Variants in ZNF462 observed in about 807,000 individuals in gnomAD.
The protein encoded by ZNF462 is zinc finger protein 462, also known as zinc finger PBX1-interacting protein.
A neutral mutation model predicts 201.9 loss-of-function variants in ZNF462; 10 were observed. That is an observed-to-expected ratio of 0.05 (90% CI 0.03 to 0.08). ZNF462 has a LOEUF of 0.08. Among genes scored for constraint, ZNF462 ranks in the 10% least tolerant of loss-of-function variants. ZNF462 has a pLI of 1.00. For synonymous variants in ZNF462, 1,227 were observed against 1,193.3 expected (o/e 1.03, Z -0.58); for missense variants, 2,523 against 3,168.3 (o/e 0.80, Z 4.89).
In ZNF462 at chr9:106,978,156, T is replaced by A. The variant is rs1827155866; in HGVS notation, c.6832+3883T>A. Among the ~76,000 whole-genome samples, 3 of 151,534 alleles carry A rather than the reference T, an allele frequency of 2.0e-5. No homozygotes were observed. In the South Asian group the frequency reaches 6.2e-4, roughly 31 times the overall value. ...CTAATCTAGTCTGGCCTTAACTGAT[T>A]GCCATCTGCAAAGAACCTATGTCCC... On this transcript the variant is annotated intron_variant, in intron 9 of 12. Transcript: ENST00000277225. The surrounding 1 kb of genome is among the most constrained non-coding windows in gnomAD (Gnocchi z 4.1).
intron 10 of ZNF462, among the ~76,000 whole-genome samples, chr9:106,997,780 A>G (rs1033154263): frequency 6.6e-6 from 1 of 152,152 alleles, no homozygotes; most frequent in Non-Finnish European, 1.5e-5. Context: ...TTGGCAAACT[A>G]TGATGCATGG....
At chr9:106,894,022 CTT>C (rs911248165) in intron 1 of ZNF462, among the ~76,000 whole-genome samples, 19 of 152,324 alleles carry the variant, frequency 1.2e-4, no homozygotes, top group African/African-American at 4.6e-4. Context: ...TGCAAACTGA[CTT>C]TTAGTATTTC....
Position 106,926,492 on chromosome 9 carries a change from C to A in ZNF462, c.2580C>A (p.Thr860=). 6.2e-7 allele frequency: 1 copy of A among 1,614,060 alleles called. No homozygotes were observed. Among genetic ancestry groups the A allele is most frequent in the Non-Finnish European group, 8.5e-7 (1 of 1,180,014 alleles). The change falls in exon 3 of 13, where the codon ACC becomes ACA. Residue 860 remains threonine (T), a synonymous_variant. Transcript: ENST00000277225. This position sits in a 1 kb window ranked among gnomAD's most constrained non-coding sequence, Gnocchi z 7.9. ...FNNKSARSVS[T]HYQRMHPYIK... ...ACAAATCTGCCCGGAGTGTTAGCAC[C>A]CACTACCAACGAATGCACCCATACA...
chr9:106,894,196 A>T (rs1487457796), intron 1 of ZNF462, among the ~76,000 whole-genome samples: 1 of 152,242 alleles, frequency 6.6e-6, no homozygotes, highest in Non-Finnish European at 1.5e-5. Context: ...CTGCAAGCCC[A>T]TGCTCCTCAC....
chr9:106,938,252 TA>T lies in ZNF462; in HGVS notation c.6236-661del, dbSNP rs1337761486. ...AGATAAACACACACACTGTACCCCC[TA>T]AACCCCCATGTTTACATATACAGCT... On this transcript the variant is annotated intron_variant, in intron 6 of 12. Transcript: ENST00000277225. This position sits in a 1 kb window ranked among gnomAD's most constrained non-coding sequence, Gnocchi z 4.4. Among the ~76,000 whole-genome samples, 1 of 152,216 alleles carries T rather than the reference TA, an allele frequency of 6.6e-6. No homozygotes were observed. Among genetic ancestry groups the T allele is most frequent in the African/African-American group, 2.4e-5 (1 of 41,464 alleles).
At chr9:106,944,376 A>G (rs959644085) in intron 7 of ZNF462, among the ~76,000 whole-genome samples, 5 of 152,200 alleles carry the variant, frequency 3.3e-5, no homozygotes, top group Admixed American at 1.3e-4. Context: ...GAAGAGACTC[A>G]TTTGGTGAGA....
Position 106,964,880 on chromosome 9 carries a change from C to T in ZNF462, c.6428-7125C>T, listed in dbSNP as rs187927565. 2.6e-5 allele frequency among the ~76,000 whole-genome samples: 4 copies of T among 152,148 alleles called. No individual in the cohort carries two copies. The East Asian group carries it at 7.7e-4, about 29-fold the overall frequency. The stretch of plus-strand genomic sequence containing the variant: ...TTAGCATTAGGTCCAGTGCTAGAAG[C>T]AGAAATGGATGGACCTGCTAAAGGA... On this transcript the variant is annotated intron_variant, in intron 7 of 12. Transcript: ENST00000277225.
chr9:106,932,855 A>G lies in ZNF462; in HGVS notation c.6116+306A>G, dbSNP rs1337340548. The G allele has an allele frequency of 1.2e-5, 6 of 486,008 alleles. No homozygotes were observed. The highest frequency in any genetic ancestry group is 4.0e-5 in the African/African-American group (2 of 50,054). The allele number at this position is 486,008 out of a possible 1,614,324, so 30.1% of individuals were successfully genotyped here. A position where few individuals can be genotyped will look rare whatever the true frequency, so the allele number is the denominator to read the frequency against. On this transcript the variant is annotated intron_variant, in intron 5 of 12. Coordinates refer to ENST00000277225, the MANE Select transcript of ZNF462 (RefSeq NM_021224.6). This position sits in a 1 kb window ranked among gnomAD's most constrained non-coding sequence, Gnocchi z 6.8. ...GATGAGTCTCCTGATTCATCGTTCA[A>G]ACATTCAGCCAAAATCTAGTCATTG... is the stretch of plus-strand genomic sequence containing the variant.
Position 106,920,140 on chromosome 9 carries a change from T to A in ZNF462, c.-30-3214T>A, listed in dbSNP as rs1197327391. 6.6e-6 allele frequency among the ~76,000 whole-genome samples: 1 copy of A among 152,022 alleles called. No homozygotes were observed. The highest frequency in any genetic ancestry group is 1.5e-5 in the Non-Finnish European group (1 of 68,010). ...GAAGAAGATATGCAGAGCTTATTTC[T>A]CACCTTTTTTTTTTTTCCTCGGTTT... is the stretch of plus-strand genomic sequence containing the variant. On this transcript the variant is annotated intron_variant, in intron 1 of 12. Transcript: ENST00000277225. This position sits in a 1 kb window ranked among gnomAD's most constrained non-coding sequence, Gnocchi z 4.3.
In ZNF462 at chr9:106,920,170, T is replaced by G. The variant is rs1307052562; in HGVS notation, c.-30-3184T>G. 2.0e-5 allele frequency among the ~76,000 whole-genome samples: 3 copies of G among 152,082 alleles called. No individual in the cohort carries two copies. Among genetic ancestry groups the G allele is most frequent in the Admixed American group, 2.0e-4 (3 of 15,278 alleles). On this transcript the variant is annotated intron_variant, in intron 1 of 12. Transcript: ENST00000277225. The surrounding 1 kb of genome is among the most constrained non-coding windows in gnomAD (Gnocchi z 4.3). ...TTTTTTTTTTTTCCTCGGTTTTGGT[T>G]TCTTAGAGGATTACCATCTGCTGCA...
rs773748863 is a variant in ZNF462 at position 106,885,374 on chromosome 9, A to G, written c.-31+22019A>G. On this transcript the variant is annotated intron_variant, in intron 1 of 12. Transcript: ENST00000277225. The surrounding 1 kb of genome is among the most constrained non-coding windows in gnomAD (Gnocchi z 4.1). ...AACAATTGAGTAGAAAAAGAAAATA[A>G]TTTGAGAAAACTTGTCTGGTTGACA... is the stretch of plus-strand genomic sequence containing the variant. Among the ~76,000 whole-genome samples, 1 of 152,196 alleles carries G rather than the reference A, an allele frequency of 6.6e-6. No homozygotes were observed. Among genetic ancestry groups the G allele is most frequent in the Non-Finnish European group, 1.5e-5 (1 of 68,024 alleles).
rs533956551 is a variant in ZNF462 at position 106,883,220 on chromosome 9, G to A, written c.-31+19865G>A. On this transcript the variant is annotated intron_variant, in intron 1 of 12. Transcript: ENST00000277225. This position sits in a 1 kb window ranked among gnomAD's most constrained non-coding sequence, Gnocchi z 4.9. ...TTAAGCAAGCTTTTGAAGGGTGTGC[G>A]CTGCAGAGCAGTTTCCTGTTATTTG... Among the ~76,000 whole-genome samples, 8 of 152,326 alleles carry A rather than the reference G, an allele frequency of 5.3e-5. No homozygotes were observed. In the South Asian group the frequency reaches 1.2e-3, roughly 24 times the overall value.
intron 1 of ZNF462, among the ~76,000 whole-genome samples, chr9:106,911,441 T>C (rs1325392878): frequency 6.6e-6 from 1 of 152,142 alleles, no homozygotes; most frequent in Non-Finnish European, 1.5e-5. Flanking sequence ...AGCTTGGTCT[T>C]AAAACTTGCT....
chr9:106,874,830 C>T (rs140999549), intron 1 of ZNF462, among the ~76,000 whole-genome samples: 44 of 152,294 alleles, frequency 2.9e-4, no homozygotes, highest in Non-Finnish European at 5.3e-4. Context: ...CCATGGTTGA[C>T]TCAGTGTTTC....
intron 10 of ZNF462, among the ~76,000 whole-genome samples, chr9:106,998,603 T>TTTTA (rs1462746404): frequency 2.0e-5 from 3 of 151,912 alleles, no homozygotes; most frequent in Admixed American, 6.6e-5. Flanking sequence ...TCACTTTTAT[T>TTTTA]TTTATTTATT....
chr9:107,010,776 A>T lies in ZNF462; in HGVS notation c.7314-47A>T. 1 of 1,481,558 alleles carries T rather than the reference A, an allele frequency of 6.7e-7. No individual in the cohort carries two copies. Among genetic ancestry groups the T allele is most frequent in the Non-Finnish European group, 9.0e-7 (1 of 1,107,242 alleles). The allele number at this position is 1,481,558 out of a possible 1,614,324, so 91.8% of individuals were successfully genotyped here. ...TATTATTTTTTTGTTTAAAAAGAGA[A>T]ATATATATACTATACTCATCTGTCT... On this transcript the variant is annotated intron_variant, in intron 12 of 12. Transcript: ENST00000277225. This position sits in a 1 kb window ranked among gnomAD's most constrained non-coding sequence, Gnocchi z 4.6.
rs759196894 is a variant in ZNF462 at position 106,926,384 on chromosome 9, C to T, written c.2472C>T (p.Ile824=). The change falls in exon 3 of 13, where the codon ATC becomes ATT. Residue 824 remains isoleucine (I), a synonymous_variant. Coordinates refer to ENST00000277225, the MANE Select transcript of ZNF462 (RefSeq NM_021224.6). This position sits in a 1 kb window ranked among gnomAD's most constrained non-coding sequence, Gnocchi z 7.9. The stretch of plus-strand genomic sequence containing the variant: ...CTCTGCTGAATACCCAAACTCCCAT[C>T]TATGGGACTGAGCACAATAGTGAAA... ...NTALLNTQTP[I]YGTEHNSENT... is the part of the protein sequence containing the mutation. 1.3e-5 allele frequency: 21 copies of T among 1,614,208 alleles called. No homozygotes were observed. The highest frequency in any genetic ancestry group is 1.8e-5 in the Non-Finnish European group (21 of 1,180,030).
chr9:106,977,159 C>G lies in ZNF462; in HGVS notation c.6832+2886C>G, dbSNP rs865969710. Among the ~76,000 whole-genome samples the G allele has an allele frequency of 1.3e-5, 2 of 152,278 alleles. No individual in the cohort carries two copies. Among genetic ancestry groups the G allele is most frequent in the Middle Eastern group, 3.4e-3 (1 of 294 alleles). Reference sequence around the variant, plus strand: ...TGGTGTCCATCTCTACTCAAAATGGCAGCTCAGTAGGAAGCTGACCTTGAC... The same window carrying G: ...TGGTGTCCATCTCTACTCAAAATGGGAGCTCAGTAGGAAGCTGACCTTGAC... On this transcript the variant is annotated intron_variant, in intron 9 of 12. Transcript: ENST00000277225. The surrounding 1 kb of genome is among the most constrained non-coding windows in gnomAD (Gnocchi z 4.6).
Position 107,010,334 on chromosome 9 carries a change from A to G in ZNF462, c.7314-489A>G, listed in dbSNP as rs1458357237. On this transcript the variant is annotated intron_variant, in intron 12 of 12. Coordinates refer to ENST00000277225, the MANE Select transcript of ZNF462 (RefSeq NM_021224.6). This position sits in a 1 kb window ranked among gnomAD's most constrained non-coding sequence, Gnocchi z 4.6. Reference sequence around the variant, plus strand: ...CCAAGCTTCCCGAGACATGGGTTCCATCTTCAGGTTTTTGTTTTTAGTTTG... The same window carrying G: ...CCAAGCTTCCCGAGACATGGGTTCCGTCTTCAGGTTTTTGTTTTTAGTTTG... 3.3e-5 allele frequency among the ~76,000 whole-genome samples: 5 copies of G among 152,130 alleles called. No homozygotes were observed. Among genetic ancestry groups the G allele is most frequent in the Non-Finnish European group, 7.4e-5 (5 of 68,016 alleles).
Sources: allele counts gnomAD v4.1 joint callset (sites outside exome capture counted in the v4.1 genomes callset), GRCh38; gene constraint gnomAD v4.1.1; non-coding constraint Gnocchi (gnomAD v3.1); transcripts MANE v1.5; gene names NCBI Gene and HGNC (gene_info 2026-07-23, HGNC 2026-07-21).